Variants in TRAT1 observed in about 807,000 individuals in gnomAD.
TRAT1 encodes T-cell receptor-associated transmembrane adapter 1.
In TRAT1, 20 loss-of-function variants were observed where a neutral mutation model predicts 20.0. That is an observed-to-expected ratio of 1.00 (90% confidence interval 0.70 to 1.45). TRAT1 has a LOEUF of 1.45. Ranked by LOEUF, TRAT1 falls within the 40% of genes most tolerant of loss-of-function variation. The pLI is 0.00. For missense variants in TRAT1, 237 were observed against 224.1 expected (o/e 1.06, Z -0.37); for synonymous variants, 77 against 74.2 (o/e 1.04, Z -0.20).
chr3:108,850,000 G>A (rs1430856902), intron 5 of TRAT1, among the ~76,000 whole-genome samples: 3 of 152,112 alleles, frequency 2.0e-5, no homozygotes, highest in Non-Finnish European at 4.4e-5. Flanking sequence ...CCTAGAAATG[G>A]TAATAGAGCC....
At chr3:108,838,889 TATGTCAAC>T in intron 2 of TRAT1, 37 bp from the exon 3 acceptor site, 1 of 1,409,948 alleles carries the variant, frequency 7.1e-7, no homozygotes. Context: ...TTAACAAAGG[TATGTCAAC>T]ATTTCTTTTA....
intron 3 of TRAT1, among the ~76,000 whole-genome samples, chr3:108,845,115 C>T (rs2107514081): frequency 6.6e-6 from 1 of 152,088 alleles, no homozygotes; most frequent in African/African-American, 2.4e-5. Context: ...AAAATACTGC[C>T]AAACATTTGC....
intron 1 of TRAT1, 133 bp downstream of exon 1, chr3:108,823,067 T>A: frequency 1.3e-6 from 1 of 749,850 alleles, no homozygotes; most frequent in Non-Finnish European, 2.1e-6. Flanking sequence ...TTAGTGTAAT[T>A]AAAATATATT....
intron 4 of TRAT1, among the ~76,000 whole-genome samples, chr3:108,848,071 C>T (rs1339142080): frequency 6.6e-6 from 1 of 152,138 alleles, no homozygotes; most frequent in Non-Finnish European, 1.5e-5. Context: ...GTCCCCATTT[C>T]ACTTTGGAGA....
intron 1 of TRAT1, among the ~76,000 whole-genome samples, chr3:108,829,856 G>T (rs895702598): frequency 6.6e-6 from 1 of 152,124 alleles, no homozygotes; most frequent in Admixed American, 6.6e-5. Context: ...GACTATATTA[G>T]TGGTTTATGT....
chr3:108,849,246 T>A lies in TRAT1; in HGVS notation c.295T>A (p.Ser99Thr), dbSNP rs533482358. The change falls in exon 5 of 6, where the codon TCT becomes ACT. Residue 99 changes from serine to threonine, a missense_variant. By Grantham distance (58) the Ser-to-Thr change is moderately conservative. Coordinates refer to ENST00000295756, the MANE Select transcript of TRAT1 (RefSeq NM_016388.4). Reference sequence around the variant, plus strand: ...AAATAAGATGCAGGAAGCCACCCCATCTGCACAGGTGAGTTTTGTTTTCTG... The same window carrying A: ...AAATAAGATGCAGGAAGCCACCCCAACTGCACAGGTGAGTTTTGTTTTCTG... The part of the protein sequence containing the change: ...SVNKMQEATP[S>T]AQATNETQMC... 36 of 1,613,850 alleles carry A rather than the reference T, an allele frequency of 2.2e-5. No homozygotes were observed. The South Asian group carries it at 3.7e-4, about 17-fold the overall frequency.
chr3:108,831,459 G>A (rs1413085950), intron 2 of TRAT1, among the ~76,000 whole-genome samples: 1 of 152,094 alleles, frequency 6.6e-6, no homozygotes, highest in Non-Finnish European at 1.5e-5. Context: ...AATATGCATG[G>A]ATCCATGTTG....
chr3:108,849,100 G>A, intron 4 of TRAT1, 66 bp from the exon 5 acceptor site: 1 of 1,318,956 alleles, frequency 7.6e-7, no homozygotes, highest in Non-Finnish European at 1.1e-6. Context: ...TTTGGATCAT[G>A]TATTTTTAAT....
rs548732796 is a variant in TRAT1 at position 108,854,426 on chromosome 3, C to T, written c.*549C>T. ...TACAAAGTATTTTTCCCAAAGATAG[C>T]TTTACTATTTCAAAAATTGTCAAAT... On this transcript the variant is annotated 3_prime_UTR_variant, in exon 6 of 6. Coordinates refer to ENST00000295756, the MANE Select transcript of TRAT1 (RefSeq NM_016388.4). 2 of 152,146 alleles carry T rather than the reference C, an allele frequency of 1.3e-5. No individual in the cohort carries two copies. The highest frequency in any genetic ancestry group is 2.9e-5 in the Non-Finnish European group (2 of 68,048). 9.4% of individuals were successfully genotyped at this position (152,146 alleles called of 1,614,324 possible).
intron 2 of TRAT1, among the ~76,000 whole-genome samples, chr3:108,838,276 A>G (rs1157246751): frequency 1.3e-5 from 2 of 152,054 alleles, no homozygotes; most frequent in African/African-American, 2.4e-5. Flanking sequence ...AGCTTTCTTA[A>G]TATCATTTTT....
At chr3:108,837,648 G>A (rs1945851704) in intron 2 of TRAT1, among the ~76,000 whole-genome samples, 1 of 152,194 alleles carries the variant, frequency 6.6e-6, no homozygotes, top group Non-Finnish European at 1.5e-5. Flanking sequence ...ATTATTGTCA[G>A]AGAGTTAGAT....
chr3:108,833,341 C>T (rs903438003), intron 2 of TRAT1, among the ~76,000 whole-genome samples: 2 of 152,090 alleles, frequency 1.3e-5, no homozygotes, highest in African/African-American at 4.8e-5. Flanking sequence ...TCGCTTAAAC[C>T]CAGGAGGCAG....
intron 1 of TRAT1, among the ~76,000 whole-genome samples, chr3:108,829,509 G>T (rs561662506): frequency 6.6e-6 from 1 of 151,914 alleles, no homozygotes; most frequent in South Asian, 2.1e-4. Flanking sequence ...GCCTGAACCT[G>T]GGAGGTGGAG....
At chr3:108,829,816 T>C (rs937139817) in intron 1 of TRAT1, among the ~76,000 whole-genome samples, 1 of 152,210 alleles carries the variant, frequency 6.6e-6, no homozygotes, top group African/African-American at 2.4e-5. Context: ...AATACAATTA[T>C]GTACAGAATA....
intron 3 of TRAT1, among the ~76,000 whole-genome samples, chr3:108,843,970 C>T (rs2107513449): frequency 6.6e-6 from 1 of 152,192 alleles, no homozygotes; most frequent in East Asian, 1.9e-4. Flanking sequence ...GTCATCCTCT[C>T]TCATGGCTTT....
At chr3:108,826,104 C>A (rs925978973) in intron 1 of TRAT1, among the ~76,000 whole-genome samples, 17 of 152,136 alleles carry the variant, frequency 1.1e-4, no homozygotes, top group Non-Finnish European at 2.9e-5. Flanking sequence ...CATATTTATA[C>A]TTTCTTCAAT....
chr3:108,850,516 G>T (rs371814247), intron 5 of TRAT1, among the ~76,000 whole-genome samples: 14 of 152,114 alleles, frequency 9.2e-5, no homozygotes, highest in African/African-American at 2.7e-4. Flanking sequence ...TGTTGGTTAG[G>T]CTGGTCGCAA....
chr3:108,846,184 G>T (rs1945940056), intron 3 of TRAT1, among the ~76,000 whole-genome samples: 1 of 152,164 alleles, frequency 6.6e-6, no homozygotes, highest in Non-Finnish European at 1.5e-5. Flanking sequence ...GTTACTGACT[G>T]TGTATCTGTG....
chr3:108,838,356 TG>T lies in TRAT1; in HGVS notation c.119-577del, dbSNP rs1237327191. ...TAGATAGATGATAGATATAGATAGA[TG>T]ATAGATAGATAGATAGATAGATAGA... On this transcript the variant is annotated intron_variant, in intron 2 of 5. Transcript: ENST00000295756. Among the ~76,000 whole-genome samples the T allele has an allele frequency of 5.6e-3, 434 of 77,018 alleles. 4 individuals are homozygous for T. Among genetic ancestry groups the T allele is most frequent in the African/African-American group, 0.036 (413 of 11,468 alleles). 50.5% of individuals were successfully genotyped at this position (77,018 alleles called of 152,430 possible).
Sources: gnomAD v4.1 joint callset for allele counts (sites outside exome capture counted in the v4.1 genomes callset) on GRCh38, gnomAD v4.1.1 for gene constraint, MANE v1.5 for transcripts, NCBI Gene and HGNC (gene_info 2026-07-23, HGNC 2026-07-21) for gene names.